The following RIMS1 variants were observed in gnomAD, a reference collection of about 807,000 sequenced individuals.
RIMS1 encodes the protein regulating synaptic membrane exocytosis 1.
A neutral mutation model predicts 214.1 loss-of-function variants in RIMS1; 83 were observed. The ratio of observed to expected loss-of-function variants is 0.39; its 90% confidence interval spans 0.32 to 0.47. The LOEUF is 0.47. RIMS1 is among the 20% of genes least tolerant of loss of function. The probability of loss-of-function intolerance (pLI) is 0.99; values close to 1 mark genes in which losing one functional copy is unlikely to be tolerated. For missense variants in RIMS1, 2,050 were observed against 2,161.8 expected (o/e 0.95, Z 1.03); for synonymous variants, 793 against 786.8 (o/e 1.01, Z -0.13).
chr6:72,019,117 T>G (rs1398085100), intron 2 of RIMS1, among the ~76,000 whole-genome samples: 1 of 152,210 alleles, frequency 6.6e-6, no homozygotes, highest in Admixed American at 6.5e-5. Context: ...TAAAAATTCC[T>G]TATGTGGTAT....
chr6:72,304,654 C>T (rs190229777), intron 26 of RIMS1, among the ~76,000 whole-genome samples: 3 of 151,822 alleles, frequency 2.0e-5, no homozygotes, highest in African/African-American at 7.2e-5. Flanking sequence ...TCCACATTTA[C>T]ACTGAAGGTT....
At chr6:72,330,561 C>A (rs2096625601) in intron 28 of RIMS1, among the ~76,000 whole-genome samples, 1 of 151,400 alleles carries the variant, frequency 6.6e-6, no homozygotes, top group Admixed American at 6.6e-5. Context: ...ATCAGAATCC[C>A]AATATAACCA....
intron 1 of RIMS1, among the ~76,000 whole-genome samples, chr6:71,932,680 C>T (rs1309481037): frequency 3.9e-5 from 6 of 152,040 alleles, no homozygotes. Flanking sequence ...CTATGTTGCT[C>T]ACTCAGGCTA....
At chr6:72,305,608 C>T (rs1366632603) in intron 26 of RIMS1, among the ~76,000 whole-genome samples, 1 of 152,042 alleles carries the variant, frequency 6.6e-6, no homozygotes, top group Non-Finnish European at 1.5e-5. Flanking sequence ...GTAAATATAA[C>T]TCACATTTTT....
chr6:71,988,871 C>A (rs768741851), intron 2 of RIMS1, among the ~76,000 whole-genome samples: 4 of 152,118 alleles, frequency 2.6e-5, no homozygotes, highest in Non-Finnish European at 5.9e-5. Context: ...TTACCATCTA[C>A]ATGTGGGGGC....
intron 1 of RIMS1, among the ~76,000 whole-genome samples, chr6:71,924,401 C>T (rs1007476716): frequency 6.6e-6 from 1 of 151,664 alleles, no homozygotes. Context: ...AATTTAGGGA[C>T]GTAAAGAGGA....
At chr6:71,984,382 A>G (rs967950733) in intron 2 of RIMS1, among the ~76,000 whole-genome samples, 2 of 152,098 alleles carry the variant, frequency 1.3e-5, no homozygotes, top group East Asian at 3.9e-4. Context: ...TGCTGGAGCT[A>G]CACTGTGACA....
At chr6:71,978,955 G>A (rs981181485) in intron 2 of RIMS1, among the ~76,000 whole-genome samples, 4 of 152,120 alleles carry the variant, frequency 2.6e-5, no homozygotes, top group Non-Finnish European at 5.9e-5. Flanking sequence ...ATTAGGAAGT[G>A]ACAGAATTTT....
At chr6:72,200,570 A>T (rs2051766266) in intron 6 of RIMS1, among the ~76,000 whole-genome samples, 1 of 152,184 alleles carries the variant, frequency 6.6e-6, no homozygotes, top group Non-Finnish European at 1.5e-5. Flanking sequence ...ACTAATGCTC[A>T]ACAGTTTTAC....
chr6:72,128,437 A>G (rs1438753161), intron 4 of RIMS1, among the ~76,000 whole-genome samples: 1 of 152,076 alleles, frequency 6.6e-6, no homozygotes, highest in Non-Finnish European at 1.5e-5. Flanking sequence ...CCCTTTAAAA[A>G]AAATGTATTT....
At chr6:72,376,696 A>C (rs932195169) in intron 29 of RIMS1, among the ~76,000 whole-genome samples, 2 of 151,930 alleles carry the variant, frequency 1.3e-5, no homozygotes, top group African/African-American at 4.8e-5. Context: ...GCAGTGAGCC[A>C]AAATCACATC....
At chr6:71,973,498 C>G (rs1004591568) in intron 2 of RIMS1, among the ~76,000 whole-genome samples, 1 of 152,078 alleles carries the variant, frequency 6.6e-6, no homozygotes, top group Non-Finnish European at 1.5e-5. Context: ...TCTTTGTGAA[C>G]GGCCTAATGC....
At chr6:72,040,913 C>T (rs1017327667) in intron 2 of RIMS1, among the ~76,000 whole-genome samples, 1 of 151,664 alleles carries the variant, frequency 6.6e-6, no homozygotes, top group Non-Finnish European at 1.5e-5. Context: ...TTTGGTGTGT[C>T]CCTACAACCC....
intron 4 of RIMS1, among the ~76,000 whole-genome samples, chr6:72,123,609 G>A (rs1200079008): frequency 6.6e-6 from 1 of 151,800 alleles, no homozygotes; most frequent in African/African-American, 2.4e-5. Context: ...GGGAGTCTAA[G>A]TCTCTTTGTA....
chr6:72,153,996 A>G (rs1286131904), intron 4 of RIMS1, among the ~76,000 whole-genome samples: 1 of 152,192 alleles, frequency 6.6e-6, no homozygotes, highest in Non-Finnish European at 1.5e-5. Context: ...ACTCTTACCT[A>G]ATGAAGGAAC....
rs1018781869 is a variant in RIMS1 at position 72,075,250 on chromosome 6, T to TA, written c.246-21692dup. Among the ~76,000 whole-genome samples the TA allele has an allele frequency of 3.6e-4, 54 of 151,894 alleles. No homozygotes were observed. In the Middle Eastern group the frequency reaches 0.01, roughly 29 times the overall value. On this transcript the variant is annotated intron_variant, in intron 2 of 33. Transcript: ENST00000521978. ...GTATATACCAGCACACCTAGCTAAT[T>TA]AAAAAAACAAAACAAAACAAAACAA...
chr6:72,361,096 C>CTT lies in RIMS1; in HGVS notation c.4366+27290_4366+27291dup, dbSNP rs70994124. 8.8e-3 allele frequency among the ~76,000 whole-genome samples: 480 copies of CTT among 54,490 alleles called. 5 individuals are homozygous for CTT. Among genetic ancestry groups the CTT allele is most frequent in the Non-Finnish European group, 0.011 (316 of 29,082 alleles). 35.7% of individuals were successfully genotyped at this position (54,490 alleles called of 152,430 possible). On this transcript the variant is annotated intron_variant, in intron 29 of 33. Coordinates refer to ENST00000521978, the MANE Select transcript of RIMS1 (RefSeq NM_014989.7). ...CTTCTGTAGGAACGGGTCTTTCTTT[C>CTT]TTTTTTTTTTTTTTTTTTTTTTTTT...
intron 10 of RIMS1, among the ~76,000 whole-genome samples, chr6:72,245,584 T>C (rs954024543): frequency 2.6e-5 from 4 of 152,176 alleles, no homozygotes; most frequent in Non-Finnish European, 5.9e-5. Flanking sequence ...AGTCTGATTG[T>C]TGTCATGTTA....
chr6:72,093,233 CAT>C (rs202107121), intron 2 of RIMS1, among the ~76,000 whole-genome samples: 929 of 84,840 alleles, frequency 0.011, 11 homozygotes, highest in African/African-American at 0.028. Context: ...TATATAAAAA[CAT>C]GTGTGTATAT....
Sources: allele counts gnomAD v4.1 joint callset (sites outside exome capture counted in the v4.1 genomes callset), GRCh38; gene constraint gnomAD v4.1.1; transcripts MANE v1.5; gene names NCBI Gene and HGNC (gene_info 2026-07-23, HGNC 2026-07-21).